Variants in MRPL35 observed in about 807,000 individuals in gnomAD.
MRPL35 encodes mitochondrial ribosomal protein L35.
Under a neutral mutation model 21.6 loss-of-function variants are expected in MRPL35, and 18 were observed. The observed-to-expected ratio is 0.83, with a 90% confidence interval of 0.58 to 1.24. MRPL35 has a LOEUF of 1.24. Among genes scored for constraint, MRPL35 ranks in the 50% most tolerant of loss-of-function variants. MRPL35 has a pLI of 0.00. For synonymous variants in MRPL35, 87 were observed against 86.9 expected (o/e 1.00, Z -0.01); for missense variants, 223 against 223.2 (o/e 1.00, Z 0.01).
At chr2:86,209,962 A>G (rs1356022230) in intron 3 of MRPL35, among the ~76,000 whole-genome samples, 3 of 152,158 alleles carry the variant, frequency 2.0e-5, no homozygotes, top group Non-Finnish European at 4.4e-5. Flanking sequence ...GACCGTGATC[A>G]TGCCACTGCA....
At chr2:86,201,237 A>C (rs931973625) in intron 1 of MRPL35, among the ~76,000 whole-genome samples, 1 of 152,216 alleles carries the variant, frequency 6.6e-6, no homozygotes, top group Non-Finnish European at 1.5e-5. Context: ...ATTTTTGTTA[A>C]TCTGGTGGCT....
rs764824957 is a variant in MRPL35, at chr2:86,199,578, G to T, written c.43+45G>T. 12 of 1,610,708 alleles carry T rather than the reference G, an allele frequency of 7.5e-6. No individual in the cohort carries two copies. The African/African-American group carries it at 1.1e-4, about 14-fold the overall frequency. ...CTCCATGCATGCCTTCACAGAAGGG[G>T]AAACTGGTGCGGGATGGAATGGGCG... On this transcript the variant is annotated intron_variant, in intron 1 of 3. Coordinates refer to ENST00000337109, the MANE Select transcript of MRPL35 (RefSeq NM_016622.4).
In MRPL35 at chr2:86,211,457, G is replaced by C. The variant is rs532827614; in HGVS notation, c.*789G>C. The C allele has an allele frequency of 1.0e-6, 1 of 985,456 alleles. No individual in the cohort carries two copies. Among genetic ancestry groups the C allele is most frequent in the Admixed American group, 6.1e-5 (1 of 16,276 alleles). 61.0% of individuals were successfully genotyped at this position (985,456 alleles called of 1,614,324 possible). A position where few individuals can be genotyped will look rare whatever the true frequency, so the allele number is the denominator to read the frequency against. ...CAGGTTTGCATGCAGCAAAAAAACA[G>C]TTATGTGAGCAGTTTCACTTGGAGG... On this transcript the variant is annotated 3_prime_UTR_variant, in exon 4 of 4. Transcript: ENST00000337109.
At chr2:86,203,431 C>A (rs1245839008) in intron 1 of MRPL35, among the ~76,000 whole-genome samples, 2 of 152,080 alleles carry the variant, frequency 1.3e-5, no homozygotes, top group African/African-American at 2.4e-5. Context: ...CGGTGGCAGT[C>A]AAAACTTTGT....
chr2:86,206,359 G>C, intron 2 of MRPL35, 64 bp downstream of exon 2: 1 of 1,456,104 alleles, frequency 6.9e-7, no homozygotes, highest in East Asian at 2.3e-5. Context: ...TTGAGACGGA[G>C]TCTCACTCTG....
intron 1 of MRPL35, among the ~76,000 whole-genome samples, chr2:86,202,838 G>A (rs1010344339): frequency 2.0e-5 from 3 of 151,050 alleles, no homozygotes; most frequent in Admixed American, 1.3e-4. Flanking sequence ...CTACAGGCGC[G>A]CGTCACTCTG....
At chr2:86,208,739 G>A (rs929178133) in intron 3 of MRPL35, among the ~76,000 whole-genome samples, 4 of 152,046 alleles carry the variant, frequency 2.6e-5, no homozygotes, top group Non-Finnish European at 5.9e-5. Context: ...TTACTGTAAA[G>A]GACCCGATCA....
intron 3 of MRPL35, among the ~76,000 whole-genome samples, chr2:86,207,997 T>C (rs922216643): frequency 6.6e-6 from 1 of 152,240 alleles, no homozygotes; most frequent in Non-Finnish European, 1.5e-5. Flanking sequence ...CTTTCATTAC[T>C]TGGAAATTAA....
Position 86,213,328 on chromosome 2 carries a change from C to G in MRPL35, c.*2660C>G. The stretch of plus-strand genomic sequence containing the variant: ...CTAGTTCTGTTGACATTGGACCAGG[C>G]TCAGTAAATAAACGAATGGATTTCC... On this transcript the variant is annotated 3_prime_UTR_variant, in exon 4 of 4. Coordinates refer to ENST00000337109, the MANE Select transcript of MRPL35 (RefSeq NM_016622.4). The G allele has an allele frequency of 8.3e-7, 1 of 1,210,850 alleles. No homozygotes were observed. The highest frequency in any genetic ancestry group is 3.7e-5 in the East Asian group (1 of 26,954). 75.0% of individuals were successfully genotyped at this position (1,210,850 alleles called of 1,614,324 possible). A position where few individuals can be genotyped will look rare whatever the true frequency, so the allele number is the denominator to read the frequency against.
intron 1 of MRPL35, 111 bp from the exon 2 acceptor site, chr2:86,205,995 T>C (rs1306235005): frequency 7.5e-6 from 7 of 927,940 alleles, no homozygotes; most frequent in Non-Finnish European, 1.0e-5. Flanking sequence ...AGTCTGATGC[T>C]CAGGGCACGT....
intron 3 of MRPL35, among the ~76,000 whole-genome samples, chr2:86,209,526 A>G (rs922581901): frequency 7.3e-5 from 11 of 151,026 alleles, no homozygotes; most frequent in African/African-American, 2.5e-4. Context: ...TTCAAAATGA[A>G]TAATACCTGT....
At chr2:86,199,678 GGT>G in intron 1 of MRPL35, 145 bp downstream of exon 1, 1 of 1,042,822 alleles carries the variant, frequency 9.6e-7, no homozygotes, top group Non-Finnish European at 1.4e-6. Context: ...TCTCTGGGGC[GGT>G]GTGACCGGCA....
Position 86,213,707 on chromosome 2 carries a change from C to T in MRPL35, c.*3039C>T. On this transcript the variant is annotated 3_prime_UTR_variant, in exon 4 of 4. Coordinates refer to ENST00000337109, the MANE Select transcript of MRPL35 (RefSeq NM_016622.4). ...AACGTCTGTTTGCACAATTGAAACT[C>T]TACCAGTGGACTATTCTATTTTCAC... is the stretch of plus-strand genomic sequence containing the variant. 2.0e-6 allele frequency: 3 copies of T among 1,535,050 alleles called. No homozygotes were observed. In the African/African-American group the frequency reaches 4.1e-5, roughly 21 times the overall value.
rs201196321 is a variant in MRPL35 at position 86,210,554 on chromosome 2, T to A, written c.453T>A (p.Asn151Lys). 6.2e-7 allele frequency: 1 copy of A among 1,613,894 alleles called. No homozygotes were observed. The highest frequency in any genetic ancestry group is 8.5e-7 in the Non-Finnish European group (1 of 1,179,860). The part of the protein sequence containing the change: ...KKRLREFVFC[N>K]KTQSKLLDKM... ...GATTGAGGGAATTTGTATTCTGCAA[T>A]AAAACCCAGAGTAAACTCTTAGATA... is the stretch of plus-strand genomic sequence containing the variant. The change falls in exon 4 of 4, where the codon AAT becomes AAA. Residue 151 changes from asparagine to lysine, a missense_variant. Physicochemically the swap from Asn to Lys is moderately conservative, Grantham distance 94 (BLOSUM62 0). Transcript: ENST00000337109.
chr2:86,200,450 T>TC (rs1242942275), intron 1 of MRPL35, among the ~76,000 whole-genome samples: 8 of 151,974 alleles, frequency 5.3e-5, no homozygotes, highest in African/African-American at 7.3e-5. Flanking sequence ...ATTCTCTACT[T>TC]CCCCCCCAGA....
chr2:86,201,610 CAATT>C (rs1174020189), intron 1 of MRPL35, among the ~76,000 whole-genome samples: 1 of 152,058 alleles, frequency 6.6e-6, no homozygotes, highest in Non-Finnish European at 1.5e-5. Flanking sequence ...CTACTGAAAA[CAATT>C]TAAAGAGTGA....
chr2:86,202,570 A>G (rs1321676123), intron 1 of MRPL35, among the ~76,000 whole-genome samples: 8 of 151,980 alleles, frequency 5.3e-5, no homozygotes, highest in African/African-American at 1.9e-4. Context: ...CTCCTGCCTT[A>G]TTACATCTGC....
chr2:86,210,428 T>G (rs7565645), intron 3 of MRPL35, 52 bp from the exon 4 acceptor site: 1,307,437 of 1,456,266 alleles, frequency 0.9, 596,781 homozygotes, highest in East Asian at 0.99. Flanking sequence ...TGAAGATACC[T>G]GTTGTTTCAT....
chr2:86,201,260 C>T (rs1673681144), intron 1 of MRPL35, among the ~76,000 whole-genome samples: 1 of 152,286 alleles, frequency 6.6e-6, no homozygotes, highest in South Asian at 2.1e-4. Flanking sequence ...GTAATGGTAT[C>T]TCATTGAGAT....
Sources: allele counts gnomAD v4.1 joint callset (sites outside exome capture counted in the v4.1 genomes callset), GRCh38; gene constraint gnomAD v4.1.1; transcripts MANE v1.5; gene names NCBI Gene and HGNC (gene_info 2026-07-23, HGNC 2026-07-21).